EXD3: variants seen among roughly 807,000 people sequenced by gnomAD.
The protein encoded by EXD3 is exonuclease 3'-5' domain containing 3.
In EXD3, 92 loss-of-function variants were observed where a neutral mutation model predicts 98.0. The ratio of observed to expected loss-of-function variants is 0.94; its 90% CI spans 0.79 to 1.12. The LOEUF (loss-of-function observed/expected upper bound fraction) is 1.12. Among genes scored for constraint, EXD3 ranks in the 50% most tolerant of loss-of-function variants. The pLI, the probability that EXD3 is intolerant of heterozygous loss-of-function variation, is 0.00. For synonymous variants in EXD3, 569 were observed against 526.0 expected, an observed-to-expected ratio of 1.08 and a Z score of -1.12; for missense variants, 1,222 against 1,191.6, an observed-to-expected ratio of 1.03 and a Z score of -0.38.
chr9:137,312,004 A>G (rs1831385163), intron 19 of EXD3, among the ~76,000 whole-genome samples: 1 of 152,044 alleles, frequency 6.6e-6, no homozygotes, highest in Admixed American at 6.5e-5. Context: ...ATTTTGAAGA[A>G]AAGGGGCTTC....
At position 137,349,600 on chromosome 9, in the gene EXD3, A is replaced by T; in HGVS notation, c.1495-69T>A. 1 of 1,437,566 alleles carries T rather than the reference A, an allele frequency of 7.0e-7. No individual in the cohort carries two copies. Among genetic ancestry groups the T allele is most frequent in the South Asian group, 1.5e-5 (1 of 68,248 alleles). 89.1% of individuals were successfully genotyped at this position (1,437,566 alleles called of 1,614,324 possible). On this transcript the variant is annotated intron_variant, in intron 14 of 21. Coordinates refer to ENST00000340951, the MANE Select transcript of EXD3 (RefSeq NM_017820.5). This position sits in a 1 kb window ranked among gnomAD's most constrained non-coding sequence, Gnocchi z 7.4. ...GGCAGCACAGTCACCGTGCCCACTC[A>T]CACCAGCCCTGCGGGGGCTCTGGAG...
intron 1 of EXD3, among the ~76,000 whole-genome samples, chr9:137,417,601 C>G (rs1392493859): frequency 1.3e-5 from 2 of 152,206 alleles, no homozygotes; most frequent in Non-Finnish European, 2.9e-5. Flanking sequence ...CAAACTACCC[C>G]AGCCGCGCTG....
At chr9:137,378,407 G>A (rs778210250) in intron 3 of EXD3, among the ~76,000 whole-genome samples, 5 of 151,908 alleles carry the variant, frequency 3.3e-5, no homozygotes, top group African/African-American at 9.7e-5. Context: ...ATGGGGTTTC[G>A]CCATTGTTGG....
intron 1 of EXD3, among the ~76,000 whole-genome samples, chr9:137,417,928 G>C (rs933833200): frequency 1.3e-5 from 2 of 152,196 alleles, no homozygotes; most frequent in Admixed American, 1.3e-4. Flanking sequence ...GGGGTGAGCT[G>C]CAAGGACTGG....
intron 17 of EXD3, among the ~76,000 whole-genome samples, chr9:137,338,158 A>G (rs186423893): frequency 3.3e-5 from 5 of 152,310 alleles, no homozygotes; most frequent in African/African-American, 1.2e-4. Flanking sequence ...TACAAAGCAA[A>G]TCTTAAGAAA....
At position 137,321,442 on chromosome 9, in the gene EXD3, G is replaced by A. The variant is rs771807931; in HGVS notation, c.2184+2283C>T. ...TCACGCCTGTCATCCCAGCACTTTG[G>A]GAGGCTGAGGCAGGAAGATCACCTG... On this transcript the variant is annotated intron_variant, in intron 19 of 21. Transcript: ENST00000340951. Among the ~76,000 whole-genome samples, 72 of 152,324 alleles carry A rather than the reference G, an allele frequency of 4.7e-4. No individual in the cohort carries two copies. The Middle Eastern group carries it at 0.02, about 43-fold the overall frequency.
Position 137,395,265 on chromosome 9 carries a change from G to C in EXD3, c.55+38C>G. ...GCACACCCACGCACCTCCCCCCACA[G>C]CCCCAGGGAGACTCGGCACCATCAG... On this transcript the variant is annotated intron_variant, in intron 2 of 21. Coordinates refer to ENST00000340951, the MANE Select transcript of EXD3 (RefSeq NM_017820.5). This position sits in a 1 kb window ranked among gnomAD's most constrained non-coding sequence, Gnocchi z 6.5. 4.6e-6 allele frequency: 7 copies of C among 1,527,730 alleles called. No homozygotes were observed. Among genetic ancestry groups the C allele is most frequent in the Non-Finnish European group, 6.3e-6 (7 of 1,102,378 alleles). 94.6% of individuals were successfully genotyped at this position (1,527,730 alleles called of 1,614,324 possible). A position where few individuals can be genotyped will look rare whatever the true frequency, so the allele number is the denominator to read the frequency against.
At chr9:137,397,110 C>T (rs542921958) in intron 1 of EXD3, among the ~76,000 whole-genome samples, 19 of 152,324 alleles carry the variant, frequency 1.2e-4, no homozygotes, top group East Asian at 9.6e-4. Flanking sequence ...GGCCACACAG[C>T]GCCTGACACA....
intron 2 of EXD3, among the ~76,000 whole-genome samples, chr9:137,391,635 C>G (rs1032299478): frequency 6.6e-6 from 1 of 151,200 alleles, no homozygotes; most frequent in Non-Finnish European, 1.5e-5. Context: ...GCCGGCCTCC[C>G]TGCCCCGCCC....
chr9:137,360,464 T>TTC (rs150629078), intron 7 of EXD3, among the ~76,000 whole-genome samples: 4,122 of 26,832 alleles, frequency 0.15, 1,277 homozygotes, highest in African/African-American at 0.43. Context: ...TTTCTTCTTC[T>TTC]TTTTTTTTTT....
chr9:137,366,397 T>C, intron 7 of EXD3, 96 bp downstream of exon 7: 1 of 1,486,408 alleles, frequency 6.7e-7, no homozygotes, highest in Non-Finnish European at 9.1e-7. Context: ...TGGGGAGAGC[T>C]CTCCCACGCG....
chr9:137,342,763 T>C (rs7388729), intron 17 of EXD3, among the ~76,000 whole-genome samples: 145,053 of 152,298 alleles, frequency 0.95, 69,145 homozygotes, highest in East Asian at 1. Flanking sequence ...AGCCACGAGA[T>C]GTTCCACAGA....
rs1425699672 is a variant in EXD3, at chr9:137,351,376, G to C, written c.1326C>G (p.Ala442=). Residue 442 remains alanine, a synonymous_variant, in exon 13 of 22, where the codon GCC becomes GCG. Transcript: ENST00000340951. ...ALSQPPTGQG[A]QAFSRLVAQL... ...GGGCCACCAGCCGGGAAAAGGCCTG[G>C]GCTCCCTGCCCTGTTGGTGGCTGCG... The C allele has an allele frequency of 5.6e-6, 9 of 1,611,430 alleles. No homozygotes were observed. The highest frequency in any genetic ancestry group is 1.7e-6 in the Non-Finnish European group (2 of 1,179,540).
At chr9:137,382,266 C>G (rs1588394423) in intron 3 of EXD3, among the ~76,000 whole-genome samples, 2 of 150,482 alleles carry the variant, frequency 1.3e-5, no homozygotes, top group East Asian at 3.9e-4. Flanking sequence ...GTCAGCGGAG[C>G]CCGGAGCAGA....
At chr9:137,394,661 C>T (rs891587979) in intron 2 of EXD3, among the ~76,000 whole-genome samples, 3 of 152,014 alleles carry the variant, frequency 2.0e-5, no homozygotes, top group Non-Finnish European at 2.9e-5. Context: ...CACCTCCCCT[C>T]GGGCTGTTTA....
intron 4 of EXD3, 78 bp downstream of exon 4, chr9:137,373,348 G>T (rs1226841301): frequency 1.3e-6 from 2 of 1,509,174 alleles, no homozygotes; most frequent in Non-Finnish European, 1.8e-6. Flanking sequence ...AAAGGCCTGG[G>T]CAGGTGGATG....
At chr9:137,388,361 C>T (rs1457799744) in intron 2 of EXD3, among the ~76,000 whole-genome samples, 6 of 152,208 alleles carry the variant, frequency 3.9e-5, no homozygotes, top group South Asian at 2.1e-4. Flanking sequence ...GACGGGAGGA[C>T]GGATGGTTGC....
At chr9:137,421,688 A>G (rs1334593512) in intron 1 of EXD3, among the ~76,000 whole-genome samples, 1 of 152,124 alleles carries the variant, frequency 6.6e-6, no homozygotes. Context: ...AAAATTTAAA[A>G]TTAGCCGGTC....
intron 7 of EXD3, 76 bp downstream of exon 7, chr9:137,366,417 C>G (rs1447074581): frequency 2.6e-6 from 4 of 1,520,740 alleles, no homozygotes; most frequent in Non-Finnish European, 3.5e-6. Context: ...GCCTGCTGCC[C>G]CCCTACACTC....
Sources: gnomAD v4.1 joint callset for allele counts (sites outside exome capture counted in the v4.1 genomes callset) on GRCh38, gnomAD v4.1.1 for gene constraint, Gnocchi (gnomAD v3.1) non-coding constraint, MANE v1.5 for transcripts, NCBI Gene and HGNC (gene_info 2026-07-23, HGNC 2026-07-21) for gene names.